The following USP15 variants were observed in gnomAD, a reference collection of about 807,000 sequenced individuals.
USP15 encodes the protein ubiquitin specific peptidase 15.
USP15 carries 18 observed loss-of-function variants against 127.1 expected under a neutral mutation model. The observed-to-expected ratio is 0.14, with a 90% CI of 0.10 to 0.21. USP15 has a LOEUF of 0.21. Among genes scored for constraint, USP15 ranks in the 10% least tolerant of loss-of-function variants. USP15 has a pLI of 1.00. For missense variants in USP15, 805 were observed against 1,159.9 expected (o/e 0.69, Z 4.44); for synonymous variants, 364 against 393.7 (o/e 0.92, Z 0.89).
intron 2 of USP15, among the ~76,000 whole-genome samples, chr12:62,298,703 A>C (rs142576169): frequency 1.3e-5 from 2 of 151,708 alleles, no homozygotes; most frequent in Non-Finnish European, 2.9e-5. Flanking sequence ...GGTGGCATAC[A>C]CCTGTAGTCC....
intron 5 of USP15, among the ~76,000 whole-genome samples, chr12:62,324,871 A>G (rs2065084731): frequency 6.6e-6 from 1 of 151,962 alleles, no homozygotes; most frequent in Admixed American, 6.6e-5. Context: ...CTGGAAACAT[A>G]TAGTTCACAA....
At chr12:62,334,914 A>G (rs1236424512) in intron 6 of USP15, among the ~76,000 whole-genome samples, 3 of 152,140 alleles carry the variant, frequency 2.0e-5, no homozygotes, top group Admixed American at 6.6e-5. Flanking sequence ...CTTGAATTGC[A>G]TGTTTTTAGT....
In USP15 at chr12:62,336,072, CTG is replaced by C. The variant is rs1389212011; in HGVS notation, c.683+10141_683+10142del. On this transcript the variant is annotated intron_variant, in intron 6 of 21. Transcript: ENST00000280377. ...GCACGGTGCAGTGCAGCTTCACTAA[CTG>C]TTTGCAGCAGCTCTACTCAGACCTT... is the stretch of plus-strand genomic sequence containing the variant. 3 of 985,190 alleles carry C rather than the reference CTG, an allele frequency of 3.0e-6. No homozygotes were observed. In the African/African-American group the frequency reaches 5.2e-5, roughly 17 times the overall value. 61.0% of individuals were successfully genotyped at this position (985,190 alleles called of 1,614,324 possible).
chr12:62,328,305 T>C (rs181524969), intron 6 of USP15: 3 of 454,132 alleles, frequency 6.6e-6, no homozygotes, highest in African/African-American at 6.0e-5. Flanking sequence ...TTGTGGGCCA[T>C]ATGGTCTCTG....
intron 8 of USP15, among the ~76,000 whole-genome samples, chr12:62,377,414 G>T (rs1435778142): frequency 6.6e-6 from 1 of 152,104 alleles, no homozygotes; most frequent in Non-Finnish European, 1.5e-5. Flanking sequence ...ACTACATTAT[G>T]ACCAACTTTA....
At chr12:62,293,272 T>C (rs2137150140) in intron 1 of USP15, among the ~76,000 whole-genome samples, 1 of 152,302 alleles carries the variant, frequency 6.6e-6, no homozygotes, top group South Asian at 2.1e-4. Context: ...CTTCCTTCTT[T>C]TTCTATGCCT....
In USP15 at chr12:62,404,663, T is replaced by C. The variant is rs2067810803; in HGVS notation, c.*288T>C. 1 of 189,582 alleles carries C rather than the reference T, an allele frequency of 5.3e-6. No homozygotes were observed. The allele number at this position is 189,582 out of a possible 1,614,324, so 11.7% of individuals were successfully genotyped here. On this transcript the variant is annotated 3_prime_UTR_variant, in exon 22 of 22. Transcript: ENST00000280377. Reference sequence around the variant, plus strand: ...AGTTTGCTGCTGTTTTGATTAATTATGTTTCCTTTAATTTTTTGGATGTGA... The same window carrying C: ...AGTTTGCTGCTGTTTTGATTAATTACGTTTCCTTTAATTTTTTGGATGTGA...
chr12:62,330,315 A>AAT (rs2065252151), intron 6 of USP15, among the ~76,000 whole-genome samples: 1 of 151,836 alleles, frequency 6.6e-6, no homozygotes, highest in South Asian at 2.1e-4. Flanking sequence ...GGGGCTGGGC[A>AAT]CAGTGGCTCA....
intron 3 of USP15, among the ~76,000 whole-genome samples, chr12:62,303,851 T>C (rs1289754601): frequency 6.6e-6 from 1 of 152,194 alleles, no homozygotes; most frequent in East Asian, 1.9e-4. Flanking sequence ...TATTCCTTAG[T>C]TTCACTCAGC....
intron 13 of USP15, 47 bp downstream of exon 13, chr12:62,389,746 A>G (rs373376201): frequency 5.0e-6 from 8 of 1,598,770 alleles, no homozygotes; most frequent in East Asian, 4.5e-5. Context: ...AAAAAAATTA[A>G]TAGAAGTAAC....
intron 1 of USP15, among the ~76,000 whole-genome samples, chr12:62,285,258 C>T (rs994042578): frequency 1.3e-5 from 2 of 152,144 alleles, no homozygotes; most frequent in East Asian, 3.9e-4. Context: ...TCCTGCCTCC[C>T]ACCCTTCTGA....
At chr12:62,321,828 GAAAAAA>G (rs1565852445) in intron 5 of USP15, among the ~76,000 whole-genome samples, 1 of 151,916 alleles carries the variant, frequency 6.6e-6, no homozygotes, top group Non-Finnish European at 1.5e-5. Context: ...TTTTTAATTA[GAAAAAA>G]ATCCCAGCTA....
chr12:62,272,809 A>G (rs1024497353), intron 1 of USP15, among the ~76,000 whole-genome samples: 3 of 152,102 alleles, frequency 2.0e-5, no homozygotes, highest in Non-Finnish European at 4.4e-5. Context: ...ATTTAGCACC[A>G]TACAATTTAG....
At chr12:62,280,203 A>T (rs1286705902) in intron 1 of USP15, among the ~76,000 whole-genome samples, 1 of 152,220 alleles carries the variant, frequency 6.6e-6, no homozygotes, top group African/African-American at 2.4e-5. Flanking sequence ...TAATAAATTA[A>T]GCTTAATAAA....
intron 8 of USP15, among the ~76,000 whole-genome samples, chr12:62,374,172 T>C (rs779384384): frequency 3.3e-5 from 5 of 152,026 alleles, no homozygotes; most frequent in Non-Finnish European, 5.9e-5. Context: ...TAACCATGGA[T>C]TACTTCAAGT....
At position 62,275,402 on chromosome 12, in the gene USP15, CA is replaced by C. The variant is rs879612016; in HGVS notation, c.89+14911del. On this transcript the variant is annotated intron_variant, in intron 1 of 21. Transcript: ENST00000280377. Reference sequence around the variant, plus strand: ...TTGGGAGGAGTATCACCCCCCCACCCAAAAAAAAAAAAGAATTACAGAGGCT... The same window carrying C: ...TTGGGAGGAGTATCACCCCCCCACCCAAAAAAAAAAAGAATTACAGAGGCT... Among the ~76,000 whole-genome samples the C allele has an allele frequency of 5.2e-3, 698 of 133,388 alleles. 4 individuals are homozygous for C. Among genetic ancestry groups the C allele is most frequent in the African/African-American group, 0.011 (412 of 36,522 alleles). 87.5% of individuals were successfully genotyped at this position (133,388 alleles called of 152,430 possible).
At chr12:62,340,722 G>C (rs555686356) in intron 6 of USP15, among the ~76,000 whole-genome samples, 1 of 152,150 alleles carries the variant, frequency 6.6e-6, no homozygotes, top group Non-Finnish European at 1.5e-5. Context: ...GTTCTTACTT[G>C]ATTGCACTGT....
At chr12:62,335,270 C>T (rs1039302983) in intron 6 of USP15, 12 of 1,508,924 alleles carry the variant, frequency 8.0e-6, no homozygotes, top group Non-Finnish European at 1.1e-5. Context: ...ACCAGTCAAC[C>T]CCTAAATAAC....
intron 8 of USP15, among the ~76,000 whole-genome samples, chr12:62,359,277 A>G (rs1218821045): frequency 6.6e-6 from 1 of 151,826 alleles, no homozygotes; most frequent in East Asian, 1.9e-4. Context: ...AAAACTAATA[A>G]TACAGATTAA....
Sources: gnomAD v4.1 joint callset for allele counts (sites outside exome capture counted in the v4.1 genomes callset) on GRCh38, gnomAD v4.1.1 for gene constraint, MANE v1.5 for transcripts, NCBI Gene and HGNC (gene_info 2026-07-23, HGNC 2026-07-21) for gene names.